The following CFAP100 variants were observed in gnomAD, a reference collection of about 807,000 sequenced individuals.
CFAP100 encodes cilia- and flagella-associated protein 100.
A neutral mutation model predicts 81.5 loss-of-function variants in CFAP100; 70 were observed. The ratio of observed to expected loss-of-function variants is 0.86; its 90% confidence interval spans 0.71 to 1.05. The LOEUF (loss-of-function observed/expected upper bound fraction) is 1.05, where lower values mean the gene tolerates loss of function less well. Ranked by LOEUF, CFAP100 falls within the 50% of genes least tolerant of loss-of-function variation. The probability of loss-of-function intolerance (pLI) is 0.00; values close to 1 mark genes in which losing one functional copy is unlikely to be tolerated. For synonymous variants in CFAP100, 341 were observed against 314.8 expected (o/e 1.08, Z -0.88); for missense variants, 811 against 776.5 (o/e 1.04, Z -0.53).
chr3:126,395,862 T>C (rs2082879494), intron 1 of CFAP100, 80 bp from the exon 2 acceptor site: 1 of 685,598 alleles, frequency 1.5e-6, no homozygotes, highest in Non-Finnish European at 2.5e-6. Context: ...TCAGCAAATG[T>C]CGGTGGCTGT....
intron 2 of CFAP100, among the ~76,000 whole-genome samples, chr3:126,404,654 C>A (rs185165383): frequency 6.6e-6 from 1 of 152,052 alleles, no homozygotes; most frequent in East Asian, 1.9e-4. Flanking sequence ...CAGTCTCTCC[C>A]GGTCATTCAC....
In CFAP100 at chr3:126,416,297, C is replaced by A; in HGVS notation, c.226-19C>A. On this transcript the variant is annotated intron_variant, in intron 4 of 16. Transcript: ENST00000352312. Reference sequence around the variant, plus strand: ...GGTGGGGAGCCTGGGCCCCGCCCGACTTGGCCCGACGCCCCCAGGAACGGC... The same window carrying A: ...GGTGGGGAGCCTGGGCCCCGCCCGAATTGGCCCGACGCCCCCAGGAACGGC... The A allele has an allele frequency of 6.4e-7, 1 of 1,572,590 alleles. No homozygotes were observed. The highest frequency in any genetic ancestry group is 1.8e-5 in the Admixed American group (1 of 55,882).
chr3:126,411,206 T>C (rs757128538), intron 3 of CFAP100, among the ~76,000 whole-genome samples: 15 of 152,226 alleles, frequency 9.9e-5, no homozygotes, highest in Non-Finnish European at 1.9e-4. Context: ...TTGTGTATGC[T>C]GAACCATCCC....
At chr3:126,410,418 C>A (rs1183428352) in intron 3 of CFAP100, among the ~76,000 whole-genome samples, 2 of 152,146 alleles carry the variant, frequency 1.3e-5, no homozygotes, top group African/African-American at 4.8e-5. Context: ...TTTATAGATT[C>A]CTTTGGGTTT....
chr3:126,398,473 T>C (rs2082923507), intron 2 of CFAP100, among the ~76,000 whole-genome samples: 1 of 152,224 alleles, frequency 6.6e-6, no homozygotes, highest in South Asian at 2.1e-4. Flanking sequence ...AGGAGCCGTG[T>C]GCATGCGCGT....
intron 5 of CFAP100, chr3:126,416,935 A>G (rs559848427): frequency 3.3e-5 from 5 of 153,500 alleles, no homozygotes; most frequent in African/African-American, 1.2e-4. Flanking sequence ...CAACTTCATC[A>G]TAGGTAGCTA....
At chr3:126,418,844 C>T in intron 7 of CFAP100, 70 bp downstream of exon 7, 2 of 1,475,694 alleles carry the variant, frequency 1.4e-6, no homozygotes, top group Non-Finnish European at 1.8e-6. Context: ...CTGTGCACAC[C>T]CACTTATCCA....
At chr3:126,404,703 C>G (rs969022462) in intron 2 of CFAP100, among the ~76,000 whole-genome samples, 2 of 152,166 alleles carry the variant, frequency 1.3e-5, no homozygotes, top group Admixed American at 1.3e-4. Flanking sequence ...GAGATGGAGT[C>G]TCGCTCTGTC....
chr3:126,434,579 T>C, intron 15 of CFAP100, 198 bp downstream of exon 15: 1 of 579,100 alleles, frequency 1.7e-6, no homozygotes. Context: ...GAAAGCTTCC[T>C]AGAGCAAACG....
intron 3 of CFAP100, among the ~76,000 whole-genome samples, chr3:126,409,827 G>C (rs1393028406): frequency 9.2e-5 from 14 of 152,118 alleles, no homozygotes; most frequent in Admixed American, 9.2e-4. Context: ...GAAGTCATTT[G>C]CTAGTTCTGA....
chr3:126,433,165 C>G lies in CFAP100; in HGVS notation c.1383C>G (p.Ala461=), dbSNP rs1188535675. Residue 461 remains alanine (A), a synonymous_variant, in exon 14 of 17, where the codon GCC becomes GCG. Coordinates refer to ENST00000352312, the MANE Select transcript of CFAP100 (RefSeq NM_182628.3). The part of the protein sequence containing the change: ...EDTAAELELK[A]RVFHFGEYKG... ...CAGCAGCTGAGCTGGAGCTCAAAGC[C>G]CGAGTCTTCCACTTCGGCGAGTACA... 1 of 1,614,208 alleles carries G rather than the reference C, an allele frequency of 6.2e-7. No individual in the cohort carries two copies. The highest frequency in any genetic ancestry group is 8.5e-7 in the Non-Finnish European group (1 of 1,180,044).
chr3:126,431,128 C>G (rs1375030810), intron 13 of CFAP100, among the ~76,000 whole-genome samples: 1 of 152,206 alleles, frequency 6.6e-6, no homozygotes, highest in African/African-American at 2.4e-5. Flanking sequence ...CTGGTGGGGT[C>G]TGTGGGCAGG....
chr3:126,402,324 T>A (rs1450510058), intron 2 of CFAP100, among the ~76,000 whole-genome samples: 1 of 152,150 alleles, frequency 6.6e-6, no homozygotes, highest in East Asian at 1.9e-4. Flanking sequence ...GGCTGCTTAC[T>A]CACAGATCCC....
rs2083280525 is a variant in CFAP100 at position 126,418,689 on chromosome 3, G to A, written c.565G>A (p.Ala189Thr). ...ATKEEARLER[A>T]EKSLEKDAAL... ...CAAAGAGGAGGCCAGGCTGGAGCGG[G>A]CCGAGAAATCCCTGGAGAAGGACGC... is the stretch of plus-strand genomic sequence containing the variant. Residue 189 changes from alanine (A) to threonine (T), a missense_variant, in exon 7 of 17, where the codon GCC (alanine) becomes ACC (threonine). Physicochemically the swap from Ala to Thr is moderately conservative, Grantham distance 58. Coordinates refer to ENST00000352312, the MANE Select transcript of CFAP100 (RefSeq NM_182628.3). The A allele has an allele frequency of 6.3e-7, 1 of 1,583,720 alleles. No homozygotes were observed. Among genetic ancestry groups the A allele is most frequent in the South Asian group, 1.1e-5 (1 of 87,048 alleles).
At chr3:126,404,623 G>A (rs181156657) in intron 2 of CFAP100, among the ~76,000 whole-genome samples, 5 of 152,342 alleles carry the variant, frequency 3.3e-5, no homozygotes, top group South Asian at 2.1e-4. Flanking sequence ...TCTAGTGATT[G>A]GAAGTGGGAG....
At chr3:126,407,324 C>T in intron 3 of CFAP100, 72 bp downstream of exon 3, 1 of 964,100 alleles carries the variant, frequency 1.0e-6, no homozygotes, top group Non-Finnish European at 1.6e-6. Context: ...CCCCAGATCC[C>T]CTCAGACCAG....
rs143229775 is a variant in CFAP100, at chr3:126,423,983, G to A, written c.1286+339G>A. On this transcript the variant is annotated intron_variant, in intron 13 of 16. Transcript: ENST00000352312. The stretch of plus-strand genomic sequence containing the variant: ...GTGGCTGGAGGTCCACAGCGACCCT[G>A]ACCCCCCAGTTCATAGCAGCACTAA... Among the ~76,000 whole-genome samples, 765 of 152,336 alleles carry A rather than the reference G, an allele frequency of 5.0e-3. 16 individuals are homozygous for A. In the East Asian group the frequency reaches 0.072, roughly 14 times the overall value.
chr3:126,418,316 T>C, intron 5 of CFAP100, 142 bp from the exon 6 acceptor site: 3 of 677,002 alleles, frequency 4.4e-6, no homozygotes, highest in Non-Finnish European at 7.8e-6. Flanking sequence ...ACAAGAACAC[T>C]ACCTTCCATG....
intron 3 of CFAP100, among the ~76,000 whole-genome samples, chr3:126,410,865 C>G (rs2083142905): frequency 6.6e-6 from 1 of 152,230 alleles, no homozygotes; most frequent in Admixed American, 6.5e-5. Flanking sequence ...TCACCACAAA[C>G]TCAAAGGCTT....
Sources: gnomAD v4.1 joint callset for allele counts (sites outside exome capture counted in the v4.1 genomes callset) on GRCh38, gnomAD v4.1.1 for gene constraint, MANE v1.5 for transcripts, NCBI Gene and HGNC (gene_info 2026-07-23, HGNC 2026-07-21) for gene names.